The following RNF115 variants were observed in gnomAD, a reference collection of about 807,000 sequenced individuals.
RNF115 encodes E3 ubiquitin-protein ligase RNF115.
In RNF115, 31 loss-of-function variants were observed where a neutral mutation model predicts 39.2. The ratio of observed to expected loss-of-function variants is 0.79; its 90% CI spans 0.59 to 1.07. RNF115 has a LOEUF of 1.07. Ranked by LOEUF, RNF115 falls within the 50% of genes least tolerant of loss-of-function variation. The pLI, the probability that RNF115 is intolerant of heterozygous loss-of-function variation, is 0.00. For missense variants in RNF115, 384 were observed against 381.7 expected (o/e 1.01, Z -0.05); for synonymous variants, 124 against 131.0 (o/e 0.95, Z 0.37).
At position 145,739,934 on chromosome 1, in the gene RNF115, G is replaced by C; in HGVS notation, c.*6932C>G. 6.6e-6 allele frequency: 1 copy of C among 152,290 alleles called. No individual in the cohort carries two copies. The highest frequency in any genetic ancestry group is 1.9e-4 in the East Asian group (1 of 5,178). 9.4% of individuals were successfully genotyped at this position (152,290 alleles called of 1,614,324 possible). A position where few individuals can be genotyped will look rare whatever the true frequency, so the allele number is the denominator to read the frequency against. The stretch of plus-strand genomic sequence containing the variant: ...TTACCTATCTGTAAAAAGGGATATT[G>C]CCTATTGTATCTTCTCTTTCCACAG... On this transcript the variant is annotated 3_prime_UTR_variant, in exon 9 of 9. Coordinates refer to ENST00000582693, the MANE Select transcript of RNF115 (RefSeq NM_014455.4).
Position 145,751,414 on chromosome 1 carries a change from C to T in RNF115, c.573+24G>A, listed in dbSNP as rs782781933. On this transcript the variant is annotated intron_variant, in intron 6 of 8. Transcript: ENST00000582693. Reference sequence around the variant, plus strand: ...GGAACCATGAGACACACTGAACAGACACCCTCAAAAGGCAGCTCCTCACCT... The same window carrying T: ...GGAACCATGAGACACACTGAACAGATACCCTCAAAAGGCAGCTCCTCACCT... 23 of 1,529,470 alleles carry T rather than the reference C, an allele frequency of 1.5e-5. No homozygotes were observed. In the Admixed American group the frequency reaches 4.2e-4, roughly 28 times the overall value. 94.7% of individuals were successfully genotyped at this position (1,529,470 alleles called of 1,614,324 possible).
chr1:145,798,764 C>G (rs1649094683), intron 1 of RNF115, among the ~76,000 whole-genome samples: 1 of 152,132 alleles, frequency 6.6e-6, no homozygotes, highest in Admixed American at 6.6e-5. Context: ...GAATTCATAT[C>G]TTAACAATAT....
chr1:145,765,649 A>G (rs202016031), intron 4 of RNF115, among the ~76,000 whole-genome samples: 1 of 43,514 alleles, frequency 2.3e-5, no homozygotes, highest in Non-Finnish European at 4.3e-5. Context: ...GAATACCCTC[A>G]GTTATAAATT....
intron 4 of RNF115, among the ~76,000 whole-genome samples, chr1:145,762,825 A>G (rs1337122748): frequency 6.6e-6 from 1 of 152,230 alleles, no homozygotes; most frequent in Non-Finnish European, 1.5e-5. Context: ...TTCTTTACAT[A>G]GCCATAAAAA....
At chr1:145,787,530 C>A (rs1648439950) in intron 2 of RNF115, among the ~76,000 whole-genome samples, 1 of 143,448 alleles carries the variant, frequency 7.0e-6, no homozygotes, top group Admixed American at 7.4e-5. Context: ...CAAGATCGTG[C>A]CCTTGCACTC....
intron 1 of RNF115, among the ~76,000 whole-genome samples, chr1:145,819,386 C>CT (rs1254150634): frequency 9.9e-5 from 15 of 150,892 alleles, no homozygotes; most frequent in African/African-American, 3.2e-4. Flanking sequence ...GAAGTCGAGG[C>CT]TGCAGCAGTG....
intron 3 of RNF115, among the ~76,000 whole-genome samples, chr1:145,774,902 C>T (rs1647811294): frequency 6.6e-6 from 1 of 151,946 alleles, no homozygotes; most frequent in African/African-American, 2.4e-5. Flanking sequence ...TGTATATTGA[C>T]CTTAGTATAC....
intron 1 of RNF115, among the ~76,000 whole-genome samples, chr1:145,794,515 T>TA: frequency 7.0e-6 from 1 of 142,414 alleles, no homozygotes; most frequent in Non-Finnish European, 1.5e-5. Flanking sequence ...TTTTTTTTTT[T>TA]TTTTTTTTTT....
intron 1 of RNF115, among the ~76,000 whole-genome samples, chr1:145,806,382 T>C (rs1163128191): frequency 2.6e-5 from 4 of 152,138 alleles, no homozygotes; most frequent in African/African-American, 9.6e-5. Flanking sequence ...TAAATAAATA[T>C]TAAATTTAAA....
chr1:145,783,835 A>T (rs1648256313), intron 3 of RNF115, among the ~76,000 whole-genome samples: 1 of 152,000 alleles, frequency 6.6e-6, no homozygotes, highest in Non-Finnish European at 1.5e-5. Flanking sequence ...CTTTTTTTAA[A>T]AAAAAAAAAC....
chr1:145,753,665 GA>G (rs1284750632), intron 4 of RNF115, among the ~76,000 whole-genome samples: 15 of 152,184 alleles, frequency 9.9e-5, no homozygotes, highest in Admixed American at 1.3e-4. Context: ...CTCAGCAAAA[GA>G]AAAACCTGAA....
intron 4 of RNF115, among the ~76,000 whole-genome samples, chr1:145,768,918 GT>G (rs1390587705): frequency 6.6e-6 from 1 of 152,084 alleles, no homozygotes; most frequent in Non-Finnish European, 1.5e-5. Context: ...GATATACTGT[GT>G]TTATTTATAC....
intron 3 of RNF115, 170 bp from the exon 4 acceptor site, chr1:145,772,089 T>C (rs1553715867): frequency 1.7e-6 from 1 of 591,200 alleles, no homozygotes; most frequent in Non-Finnish European, 3.0e-6. Context: ...TTACATGATC[T>C]ATACATCTTC....
At chr1:145,802,163 A>G (rs1553720958) in intron 1 of RNF115, among the ~76,000 whole-genome samples, 1 of 152,190 alleles carries the variant, frequency 6.6e-6, no homozygotes. Flanking sequence ...AATCACTGGA[A>G]ACAGGAACCC....
chr1:145,755,905 T>A (rs587711724), intron 4 of RNF115, among the ~76,000 whole-genome samples: 1 of 152,342 alleles, frequency 6.6e-6, no homozygotes, highest in Non-Finnish European at 1.5e-5. Context: ...AACTGGTTGA[T>A]AATCTAGCTA....
chr1:145,746,904 T>C lies in RNF115; in HGVS notation c.877A>G (p.Ser293Gly). ...STEASASNRF[S>G]NDSQLHDRWT... is the part of the protein sequence containing the mutation. ...CGGTCATGTAGCTGACTGTCATTGC[T>C]AAATCTGTTGCTTGCAGAGGCCTCA... The change falls in exon 9 of 9, where the codon AGC becomes GGC. Residue 293 changes from serine (S) to glycine (G), a missense_variant. Ser to Gly is a moderately conservative substitution (Grantham distance 56). Transcript: ENST00000582693. The C allele has an allele frequency of 6.2e-7, 1 of 1,614,168 alleles. No homozygotes were observed. Among genetic ancestry groups the C allele is most frequent in the Non-Finnish European group, 8.5e-7 (1 of 1,180,018 alleles).
rs960183355 is a variant in RNF115, at chr1:145,741,269, C to T, written c.*5597G>A. The T allele has an allele frequency of 6.6e-6, 1 of 152,210 alleles. No individual in the cohort carries two copies. The highest frequency in any genetic ancestry group is 6.5e-5 in the Admixed American group (1 of 15,286). 9.4% of individuals were successfully genotyped at this position (152,210 alleles called of 1,614,324 possible). ...AGAGGAAGAAGAGGCAACATACAAACTACACTTCTGTGGACACCAAGTGTA... is the reference window on the plus strand; with the variant it reads ...AGAGGAAGAAGAGGCAACATACAAATTACACTTCTGTGGACACCAAGTGTA... On this transcript the variant is annotated 3_prime_UTR_variant, in exon 9 of 9. Transcript: ENST00000582693.
At chr1:145,776,356 G>C (rs1010213624) in intron 3 of RNF115, among the ~76,000 whole-genome samples, 1 of 151,534 alleles carries the variant, frequency 6.6e-6, no homozygotes, top group Admixed American at 6.6e-5. Flanking sequence ...TAGAGATGGG[G>C]TTTCACCATG....
At chr1:145,765,430 A>T (rs1428694315) in intron 4 of RNF115, among the ~76,000 whole-genome samples, 1 of 151,260 alleles carries the variant, frequency 6.6e-6, no homozygotes, top group Non-Finnish European at 1.5e-5. Context: ...AAAAAAAAAA[A>T]TTAAAAAAAA....
Sources: allele counts gnomAD v4.1 joint callset (sites outside exome capture counted in the v4.1 genomes callset), GRCh38; gene constraint gnomAD v4.1.1; transcripts MANE v1.5; gene names NCBI Gene and HGNC (gene_info 2026-07-23, HGNC 2026-07-21).